Variants in NLGN1 observed in about 807,000 individuals in gnomAD.
NLGN1 encodes neuroligin 1.
Under a neutral mutation model 65.5 loss-of-function variants are expected in NLGN1, and 12 were observed. The ratio of observed to expected loss-of-function variants is 0.18; its 90% CI spans 0.12 to 0.30. The LOEUF is 0.30. Ranked by LOEUF, NLGN1 falls within the 10% of genes least tolerant of loss-of-function variation. NLGN1 has a pLI of 1.00. For missense variants in NLGN1, 750 were observed against 1,007.1 expected (o/e 0.74, Z 3.46); for synonymous variants, 350 against 359.5 (o/e 0.97, Z 0.30).
intron 3 of NLGN1, among the ~76,000 whole-genome samples, chr3:173,688,531 AAAT>A (rs1369256265): frequency 1.3e-5 from 2 of 152,186 alleles, no homozygotes; most frequent in Non-Finnish European, 2.9e-5. Flanking sequence ...CACTGGAATC[AAAT>A]AATATAGCCA....
intron 4 of NLGN1, among the ~76,000 whole-genome samples, chr3:174,231,782 A>G (rs1423677256): frequency 6.6e-6 from 1 of 152,128 alleles, no homozygotes; most frequent in Non-Finnish European, 1.5e-5. Flanking sequence ...GCTGGTGTTG[A>G]CACGCTTTCA....
intron 4 of NLGN1, among the ~76,000 whole-genome samples, chr3:174,222,544 C>G (rs1200964098): frequency 6.6e-6 from 1 of 152,132 alleles, no homozygotes; most frequent in South Asian, 2.1e-4. Flanking sequence ...ATTTCACAAT[C>G]AACATGGTTC....
At chr3:174,097,171 T>G (rs1485314445) in intron 4 of NLGN1, among the ~76,000 whole-genome samples, 2 of 152,208 alleles carry the variant, frequency 1.3e-5, no homozygotes, top group Non-Finnish European at 2.9e-5. Flanking sequence ...GAATGTTTTC[T>G]TAATCAACAG....
chr3:173,945,479 A>C (rs1188668662), intron 4 of NLGN1, among the ~76,000 whole-genome samples: 11 of 152,016 alleles, frequency 7.2e-5, no homozygotes, highest in Admixed American at 7.2e-4. Context: ...AACCCATGCC[A>C]TATTATTTGT....
intron 3 of NLGN1, among the ~76,000 whole-genome samples, chr3:173,735,057 G>T (rs1222515473): frequency 6.6e-6 from 1 of 152,004 alleles, no homozygotes; most frequent in East Asian, 1.9e-4. Context: ...GCAAATAAGG[G>T]TCCACTAGGA....
At chr3:174,053,154 T>C (rs1735292767) in intron 4 of NLGN1, among the ~76,000 whole-genome samples, 1 of 151,890 alleles carries the variant, frequency 6.6e-6, no homozygotes, top group African/African-American at 2.4e-5. Flanking sequence ...AATAAATAGA[T>C]TGGGTGAGTT....
At chr3:174,237,275 A>G (rs1281744637) in intron 4 of NLGN1, among the ~76,000 whole-genome samples, 1 of 152,202 alleles carries the variant, frequency 6.6e-6, no homozygotes, top group Non-Finnish European at 1.5e-5. Context: ...ATTTATTTAC[A>G]GCTTACACAG....
At chr3:173,925,848 AT>A (rs1326413348) in intron 4 of NLGN1, among the ~76,000 whole-genome samples, 1 of 152,132 alleles carries the variant, frequency 6.6e-6, no homozygotes, top group Non-Finnish European at 1.5e-5. Flanking sequence ...GAAATAGAAC[AT>A]TACAGTACCT....
chr3:173,706,303 G>A (rs560332280), intron 3 of NLGN1, among the ~76,000 whole-genome samples: 1 of 152,090 alleles, frequency 6.6e-6, no homozygotes, highest in Non-Finnish European at 1.5e-5. Flanking sequence ...CACATTTAAA[G>A]CTACCACTTT....
chr3:174,205,619 G>A (rs1346351777), intron 4 of NLGN1, among the ~76,000 whole-genome samples: 1 of 152,114 alleles, frequency 6.6e-6, no homozygotes, highest in Non-Finnish European at 1.5e-5. Flanking sequence ...ACATTTGTAA[G>A]TTATGCTTTA....
intron 4 of NLGN1, among the ~76,000 whole-genome samples, chr3:173,997,165 A>C (rs186910051): frequency 6.6e-6 from 1 of 152,108 alleles, no homozygotes; most frequent in African/African-American, 2.4e-5. Context: ...ACATTCAATA[A>C]TTTTTTGAAG....
At chr3:174,180,691 G>A (rs370530606) in intron 4 of NLGN1, 4 of 152,068 alleles carry the variant, frequency 2.6e-5, no homozygotes, top group Admixed American at 6.6e-5. Flanking sequence ...ATTCTTTGGA[G>A]ATGATAGATG....
chr3:174,058,025 A>G (rs1245913316), intron 4 of NLGN1, among the ~76,000 whole-genome samples: 1 of 152,110 alleles, frequency 6.6e-6, no homozygotes, highest in Non-Finnish European at 1.5e-5. Context: ...TGTAGCTAAG[A>G]TGATTTATTT....
chr3:173,814,361 G>C (rs991876570), intron 4 of NLGN1, among the ~76,000 whole-genome samples: 1 of 152,176 alleles, frequency 6.6e-6, no homozygotes, highest in Non-Finnish European at 1.5e-5. Flanking sequence ...TTTAATAAGG[G>C]CTAGATGGTA....
chr3:173,781,877 C>A (rs1781219065), intron 3 of NLGN1, among the ~76,000 whole-genome samples: 1 of 152,198 alleles, frequency 6.6e-6, no homozygotes, highest in South Asian at 2.1e-4. Context: ...TTAGCTCAAA[C>A]TGGACAATGT....
chr3:173,830,101 T>C (rs1325904794), intron 4 of NLGN1, among the ~76,000 whole-genome samples: 2 of 152,172 alleles, frequency 1.3e-5, no homozygotes, highest in Non-Finnish European at 2.9e-5. Flanking sequence ...GTTGAACTTA[T>C]CTGAGCATGT....
intron 3 of NLGN1, chr3:173,800,410 CCTTT>C (rs1281772222): frequency 7.0e-6 from 4 of 570,756 alleles, no homozygotes; most frequent in African/African-American, 4.1e-5. Flanking sequence ...TTTTTCCACC[CCTTT>C]CTATTTTTTT....
In NLGN1 at chr3:173,701,107, T is replaced by C. The variant is rs866439525; in HGVS notation, c.493+96016T>C. 4.6e-5 allele frequency among the ~76,000 whole-genome samples: 7 copies of C among 152,058 alleles called. No homozygotes were observed. In the South Asian group the frequency reaches 1.0e-3, roughly 23 times the overall value. Reference sequence around the variant, plus strand: ...GCCACCCACTGCACTCCAGCCTGGGTGACACAGCGAGACTCCGTCTTGAAA... The same window carrying C: ...GCCACCCACTGCACTCCAGCCTGGGCGACACAGCGAGACTCCGTCTTGAAA... On this transcript the variant is annotated intron_variant, in intron 3 of 6. Coordinates refer to ENST00000457714, the Ensembl canonical transcript of NLGN1.
chr3:173,742,228 A>G (rs925414987), intron 3 of NLGN1, among the ~76,000 whole-genome samples: 1 of 152,090 alleles, frequency 6.6e-6, no homozygotes, highest in Non-Finnish European at 1.5e-5. Context: ...ACTAAAACTC[A>G]TGGAATTATC....
Sources: gnomAD v4.1 joint callset for allele counts (sites outside exome capture counted in the v4.1 genomes callset) on GRCh38, gnomAD v4.1.1 for gene constraint, MANE v1.5 for transcripts, NCBI Gene and HGNC (gene_info 2026-07-23, HGNC 2026-07-21) for gene names.